TPRG1: variants seen among roughly 807,000 people sequenced by gnomAD.
The protein encoded by TPRG1 is tumor protein p63-regulated gene 1 protein.
A neutral mutation model predicts 29.3 loss-of-function variants in TPRG1; 29 were observed. That is an observed-to-expected ratio of 0.99 (90% CI 0.74 to 1.35). The LOEUF is 1.35. Among genes scored for constraint, TPRG1 ranks in the 40% most tolerant of loss-of-function variants. The pLI is 0.00. For missense variants in TPRG1, 327 were observed against 335.0 expected (o/e 0.98, Z 0.19); for synonymous variants, 130 against 116.8 (o/e 1.11, Z -0.73).
At chr3:189,304,050 G>A (rs1721246379) in intron 4 of TPRG1, among the ~76,000 whole-genome samples, 3 of 149,506 alleles carry the variant, frequency 2.0e-5, no homozygotes, top group African/African-American at 7.4e-5. Context: ...GGAGAGGAAT[G>A]TTCAGGTCTT....
chr3:189,018,051 T>A (rs1249186972), intron 3 of TPRG1, among the ~76,000 whole-genome samples: 1 of 152,158 alleles, frequency 6.6e-6, no homozygotes, highest in Non-Finnish European at 1.5e-5. Context: ...TCTGTTCATG[T>A]CCTTTGCCCA....
At chr3:189,312,326 G>C (rs9811812) in intron 5 of TPRG1, among the ~76,000 whole-genome samples, 132,809 of 151,294 alleles carry the variant, frequency 0.88, 58,460 homozygotes, top group East Asian at 1. Flanking sequence ...CTCAGCCTCC[G>C]GAGTAGCTGG....
At chr3:189,201,332 A>G (rs899513401) in intron 1 of TPRG1, among the ~76,000 whole-genome samples, 9 of 152,330 alleles carry the variant, frequency 5.9e-5, no homozygotes, top group Admixed American at 5.2e-4. Context: ...TGTGGATATT[A>G]TAGATACCTG....
At chr3:189,224,773 C>T (rs1737457854) in intron 3 of TPRG1, among the ~76,000 whole-genome samples, 1 of 152,128 alleles carries the variant, frequency 6.6e-6, no homozygotes, top group Admixed American at 6.5e-5. Flanking sequence ...TTTTGAATGC[C>T]TTCAGAAAGG....
intron 4 of TPRG1, among the ~76,000 whole-genome samples, chr3:189,039,081 C>T (rs75876321): frequency 0.019 from 2,855 of 152,288 alleles, 89 homozygotes; most frequent in African/African-American, 0.065. Flanking sequence ...ATATATACCC[C>T]TTGACCCAGA....
chr3:189,260,955 G>C (rs948030930), intron 4 of TPRG1, among the ~76,000 whole-genome samples: 2 of 152,194 alleles, frequency 1.3e-5, no homozygotes, highest in African/African-American at 4.8e-5. Flanking sequence ...GCTTGAAAGG[G>C]CTTCTGCTCT....
At chr3:189,277,857 G>A (rs915087646) in intron 4 of TPRG1, among the ~76,000 whole-genome samples, 1 of 152,080 alleles carries the variant, frequency 6.6e-6, no homozygotes, top group African/African-American at 2.4e-5. Context: ...TCAAAAATGG[G>A]GAACTCACTA....
intron 4 of TPRG1, among the ~76,000 whole-genome samples, chr3:189,032,117 G>A (rs1713964747): frequency 6.6e-6 from 1 of 152,152 alleles, no homozygotes; most frequent in Admixed American, 6.5e-5. Context: ...TTGAGTTAAA[G>A]ATTATAAGAC....
chr3:189,216,933 C>G (rs1292325691), intron 3 of TPRG1, among the ~76,000 whole-genome samples: 2 of 152,176 alleles, frequency 1.3e-5, no homozygotes, highest in Non-Finnish European at 2.9e-5. Flanking sequence ...TAATCTGTTT[C>G]TACACTGCAT....
At chr3:189,034,867 G>A (rs1047649729) in intron 4 of TPRG1, among the ~76,000 whole-genome samples, 1 of 152,042 alleles carries the variant, frequency 6.6e-6, no homozygotes, top group African/African-American at 2.4e-5. Context: ...ACTTCCCAAA[G>A]CAATTTACAG....
intron 1 of TPRG1, chr3:189,120,487 GA>G (rs1051074381): frequency 1.3e-5 from 2 of 152,080 alleles, no homozygotes; most frequent in African/African-American, 2.4e-5. Flanking sequence ...TACTGGAAAG[GA>G]AAAAATATGT....
rs976872177 is a variant in TPRG1 at position 189,321,958 on chromosome 3, C to G, written c.*1138C>G. 6.6e-6 allele frequency: 1 copy of G among 152,110 alleles called. No homozygotes were observed. The highest frequency in any genetic ancestry group is 2.1e-4 in the South Asian group (1 of 4,836). The allele number at this position is 152,110 out of a possible 1,614,324, so 9.4% of individuals were successfully genotyped here. On this transcript the variant is annotated 3_prime_UTR_variant, in exon 6 of 6. Coordinates refer to ENST00000345063, the MANE Select transcript of TPRG1 (RefSeq NM_198485.4). ...CTCTATTGTCATTGCTCTTTTCCCT[C>G]TTATTTCCTCTTTGTCTCTTCCCGA...
intron 3 of TPRG1, among the ~76,000 whole-genome samples, chr3:189,226,266 AT>A (rs1737706971): frequency 1.3e-5 from 2 of 152,234 alleles, no homozygotes; most frequent in Admixed American, 6.5e-5. Context: ...AAGAGCTACC[AT>A]ATCCTTAGCC....
At chr3:189,233,371 G>A (rs1339078223) in intron 3 of TPRG1, among the ~76,000 whole-genome samples, 1 of 152,262 alleles carries the variant, frequency 6.6e-6, no homozygotes, top group East Asian at 1.9e-4. Flanking sequence ...GAGTAACTGG[G>A]TGTGGGCACT....
chr3:189,291,698 T>A (rs144083409), intron 4 of TPRG1, among the ~76,000 whole-genome samples: 62 of 152,382 alleles, frequency 4.1e-4, no homozygotes, highest in Admixed American at 7.2e-4. Context: ...TTAGTGATCT[T>A]GCCAACTATG....
chr3:189,323,940 G>A lies in TPRG1; in HGVS notation c.*3120G>A, dbSNP rs1434620946. The A allele has an allele frequency of 6.6e-6, 1 of 152,052 alleles. No individual in the cohort carries two copies. Among genetic ancestry groups the A allele is most frequent in the Non-Finnish European group, 1.5e-5 (1 of 68,024 alleles). 9.4% of individuals were successfully genotyped at this position (152,052 alleles called of 1,614,324 possible). ...ACTGACAAATGCCTCACTATCTTCT[G>A]ATACATCGTAGGCAGTTCTGAGGGT... is the stretch of plus-strand genomic sequence containing the variant. On this transcript the variant is annotated 3_prime_UTR_variant, in exon 6 of 6. Transcript: ENST00000345063.
At chr3:189,152,931 C>T (rs113662045) in intron 5 of TPRG1, among the ~76,000 whole-genome samples, 2,329 of 151,564 alleles carry the variant, frequency 0.015, 59 homozygotes, top group African/African-American at 0.054. Context: ...GATTGCTACC[C>T]GCCATTATTA....
chr3:189,165,446 A>G (rs1326275560), intron 5 of TPRG1, among the ~76,000 whole-genome samples: 4 of 90,558 alleles, frequency 4.4e-5, no homozygotes, highest in African/African-American at 1.4e-4. Context: ...TTATGTGCAT[A>G]ACAGCCATCT....
chr3:189,230,276 C>G (rs1050682235), intron 3 of TPRG1, among the ~76,000 whole-genome samples: 2 of 152,104 alleles, frequency 1.3e-5, no homozygotes, highest in Non-Finnish European at 1.5e-5. Context: ...GTGGGAAAAG[C>G]GGCTTGATGG....
Sources: gnomAD v4.1 joint callset for allele counts (sites outside exome capture counted in the v4.1 genomes callset) on GRCh38, gnomAD v4.1.1 for gene constraint, MANE v1.5 for transcripts, NCBI Gene and HGNC (gene_info 2026-07-23, HGNC 2026-07-21) for gene names.